The following GPI variants were observed in gnomAD, a reference collection of about 807,000 sequenced individuals.
GPI encodes glucose-6-phosphate isomerase.
In GPI, 56 loss-of-function variants were observed where a neutral mutation model predicts 75.8. The observed-to-expected ratio is 0.74, with a 90% CI of 0.60 to 0.92. The LOEUF (loss-of-function observed/expected upper bound fraction) is 0.92. Ranked by LOEUF, GPI falls within the 40% of genes least tolerant of loss-of-function variation. GPI has a pLI of 0.00. For missense variants in GPI, 638 were observed against 741.0 expected (o/e 0.86, Z 1.61); for synonymous variants, 288 against 285.4 (o/e 1.01, Z -0.09).
rs998526751 is a variant in GPI at position 34,402,366 on chromosome 19, T to C, written c.*2330T>C. The C allele has an allele frequency of 6.6e-6, 1 of 152,248 alleles. No homozygotes were observed. The highest frequency in any genetic ancestry group is 2.4e-5 in the African/African-American group (1 of 41,460). The allele number at this position is 152,248 out of a possible 1,614,324, so 9.4% of individuals were successfully genotyped here. A position where few individuals can be genotyped will look rare whatever the true frequency, so the allele number is the denominator to read the frequency against. ...GGCACTTGCTTGAGCCTCATCCCGC[T>C]TTCTGGAATGTACTTTTGCTTCAAT... On this transcript the variant is annotated 3_prime_UTR_variant, in exon 18 of 18. Coordinates refer to ENST00000356487, the MANE Select transcript of GPI (RefSeq NM_000175.5).
chr19:34,380,245 C>T (rs1373749579), intron 8 of GPI, among the ~76,000 whole-genome samples: 13 of 151,934 alleles, frequency 8.6e-5, no homozygotes, highest in South Asian at 6.2e-4. Flanking sequence ...ATCTGCCCAC[C>T]TCAGCCTCCC....
rs1377978035 is a variant in GPI, at chr19:34,394,024, C to T, written c.1020C>T (p.Pro340=). The part of the protein sequence containing the change: ...CFGCETHAML[P]YDQYLHRFAA... ...GGTGTGAGACACACGCCATGCTGCC[C>T]TATGACCAGTACCTGCACCGCTTTG... The change falls in exon 12 of 18, where the codon CCC becomes CCT. Residue 340 remains proline, a synonymous_variant. Transcript: ENST00000356487. 6.2e-7 allele frequency: 1 copy of T among 1,613,194 alleles called. No individual in the cohort carries two copies. The highest frequency in any genetic ancestry group is 2.2e-5 in the East Asian group (1 of 44,874).
intron 8 of GPI, among the ~76,000 whole-genome samples, chr19:34,380,523 C>T (rs1481594945): frequency 1.3e-5 from 2 of 152,238 alleles, no homozygotes; most frequent in East Asian, 3.8e-4. Context: ...CTCAAGTGAT[C>T]TGCCCACCTC....
intron 9 of GPI, among the ~76,000 whole-genome samples, chr19:34,383,324 G>A (rs1192126998): frequency 2.0e-5 from 3 of 152,202 alleles, no homozygotes; most frequent in Non-Finnish European, 4.4e-5. Flanking sequence ...CAGAGGAGAG[G>A]CAGGTATTTA....
rs1599805788 is a variant in GPI at position 34,368,577 on chromosome 19, C to T, written c.283-6C>T. 1 of 1,614,098 alleles carries T rather than the reference C, an allele frequency of 6.2e-7. No homozygotes were observed. Among genetic ancestry groups the T allele is most frequent in the East Asian group, 2.2e-5 (1 of 44,884 alleles). ...GCAGTCTTTATATCCTGACCGTAAT[C>T]CCCAGGGTCGAGCCGTGCTGCACGT... is the stretch of plus-strand genomic sequence containing the variant. On this transcript the variant is annotated splice_polypyrimidine_tract_variant and splice_region_variant and intron_variant, in intron 3 of 17. Coordinates refer to ENST00000356487, the MANE Select transcript of GPI (RefSeq NM_000175.5).
Position 34,400,260 on chromosome 19 carries a change from A to G in GPI, c.*224A>G. 1 of 616,796 alleles carries G rather than the reference A, an allele frequency of 1.6e-6. No individual in the cohort carries two copies. The highest frequency in any genetic ancestry group is 1.9e-5 in the South Asian group (1 of 52,670). 38.2% of individuals were successfully genotyped at this position (616,796 alleles called of 1,614,324 possible). On this transcript the variant is annotated 3_prime_UTR_variant, in exon 18 of 18. Coordinates refer to ENST00000356487, the MANE Select transcript of GPI (RefSeq NM_000175.5). ...AGAATTGGCTGAAGTGTTTTTGTGC[A>G]GCTGACTTTTCTGACCCATGTTCAC...
At position 34,366,418 on chromosome 19, in the gene GPI, C is replaced by T. The variant is rs560712135; in HGVS notation, c.196C>T (p.Arg66Trp). The T allele has an allele frequency of 2.9e-5, 46 of 1,611,036 alleles. No individual in the cohort carries two copies. Among genetic ancestry groups the T allele is most frequent in the Middle Eastern group, 1.7e-4 (1 of 6,058 alleles). Reference sequence around the variant, plus strand: ...GAACCTGGTGACGGAGGACGTGATGCGGATGCTGGTGGACTTGGTAATGTT... The same window carrying T: ...GAACCTGGTGACGGAGGACGTGATGTGGATGCTGGTGGACTTGGTAATGTT... ...SKNLVTEDVM[R>W]MLVDLAKSRG... Residue 66 changes from arginine (R) to tryptophan (W), a missense_variant, in exon 2 of 18, where the codon CGG becomes TGG. Transcript: ENST00000356487.
chr19:34,400,868 G>A lies in GPI; in HGVS notation c.*832G>A, dbSNP rs1010300438. On this transcript the variant is annotated 3_prime_UTR_variant, in exon 18 of 18. Coordinates refer to ENST00000356487, the MANE Select transcript of GPI (RefSeq NM_000175.5). ...GCCTCCCGAGTAGCTGGGATTACACGGCGCACACCACCATACCCAGCTAAT... is the reference window on the plus strand; with the variant it reads ...GCCTCCCGAGTAGCTGGGATTACACAGCGCACACCACCATACCCAGCTAAT... 24 of 334,318 alleles carry A rather than the reference G, an allele frequency of 7.2e-5. No homozygotes were observed. Among genetic ancestry groups the A allele is most frequent in the Non-Finnish European group, 1.2e-4 (22 of 186,184 alleles). 20.7% of individuals were successfully genotyped at this position (334,318 alleles called of 1,614,324 possible). A position where few individuals can be genotyped will look rare whatever the true frequency, so the allele number is the denominator to read the frequency against.
chr19:34,399,870 C>A (rs1430949537), intron 17 of GPI, 31 bp from the exon 18 acceptor site: 4 of 1,613,768 alleles, frequency 2.5e-6, no homozygotes, highest in Non-Finnish European at 3.4e-6. Flanking sequence ...CTTCCTCATA[C>A]CACTCTTCCC....
intron 1 of GPI, chr19:34,366,012 T>C (rs1471560233): frequency 1.1e-5 from 6 of 566,546 alleles, no homozygotes; most frequent in Non-Finnish European, 2.0e-5. Context: ...GACGTCCCGA[T>C]GGCCATCCCT....
chr19:34,366,226 C>T (rs760825946), intron 1 of GPI, 119 bp from the exon 2 acceptor site: 5 of 763,108 alleles, frequency 6.6e-6, no homozygotes, highest in South Asian at 1.4e-5. Flanking sequence ...TGGGTGGCCG[C>T]GGCCCTTGTG....
chr19:34,371,589 A>C (rs951348079), intron 4 of GPI, among the ~76,000 whole-genome samples: 4 of 151,958 alleles, frequency 2.6e-5, no homozygotes, highest in African/African-American at 7.2e-5. Flanking sequence ...AGTGGCTCAC[A>C]CCTGTAATCC....
intron 1 of GPI, chr19:34,365,677 G>T (rs2074351123): frequency 1.7e-6 from 1 of 592,296 alleles, no homozygotes; most frequent in Non-Finnish European, 3.2e-6. Context: ...GTGCAGCTCT[G>T]GCCATTTGAG....
At position 34,402,256 on chromosome 19, in the gene GPI, G is replaced by C. The variant is rs940062801; in HGVS notation, c.*2220G>C. ...GAGCATTCACTTCAGCCTCTGACTG[G>C]TGGCAGGCCAAGTCTTTATTTACAT... On this transcript the variant is annotated 3_prime_UTR_variant, in exon 18 of 18. Coordinates refer to ENST00000356487, the MANE Select transcript of GPI (RefSeq NM_000175.5). The C allele has an allele frequency of 1.3e-5, 2 of 152,198 alleles. No individual in the cohort carries two copies. The highest frequency in any genetic ancestry group is 2.4e-5 in the African/African-American group (1 of 41,452). The allele number at this position is 152,198 out of a possible 1,614,324, so 9.4% of individuals were successfully genotyped here.
At chr19:34,361,844 C>T (rs1176720572), upstream of GPI, among the ~76,000 whole-genome samples, 1 of 151,958 alleles carries the variant, frequency 6.6e-6, no homozygotes, top group Non-Finnish European at 1.5e-5. Context: ...AGGCCGGGTG[C>T]AGTGGCTCAC....
intron 9 of GPI, among the ~76,000 whole-genome samples, chr19:34,384,271 C>T (rs938860959): frequency 3.9e-5 from 6 of 152,204 alleles, no homozygotes; most frequent in Admixed American, 3.9e-4. Flanking sequence ...CCGCATCCAT[C>T]AGAAAGGTGG....
intron 9 of GPI, among the ~76,000 whole-genome samples, chr19:34,385,360 CA>C (rs58133757): frequency 0.19 from 17,636 of 95,084 alleles, 1,385 homozygotes; most frequent in African/African-American, 0.32. Flanking sequence ...AAACAAAAAA[CA>C]AAAAAAAAAA....
At chr19:34,365,884 A>G (rs1309411407) in intron 1 of GPI, 1 of 471,404 alleles carries the variant, frequency 2.1e-6, no homozygotes, top group East Asian at 6.6e-5. Context: ...ACACCTGTGC[A>G]CGACCGGGAA....
At chr19:34,392,075 CTGTT>C (rs1568345471) in intron 9 of GPI, 53 of 120,496 alleles carry the variant, frequency 4.4e-4, no homozygotes, top group East Asian at 1.1e-3. Context: ...GGATCTGGGT[CTGTT>C]AATGTCTGAG....
Sources: gnomAD v4.1 joint callset for allele counts (sites outside exome capture counted in the v4.1 genomes callset) on GRCh38, gnomAD v4.1.1 for gene constraint, MANE v1.5 for transcripts, NCBI Gene and HGNC (gene_info 2026-07-23, HGNC 2026-07-21) for gene names.